The following DYM variants were observed in gnomAD, a reference collection of about 807,000 sequenced individuals.
DYM encodes dyggve-Melchior-Clausen syndrome protein.
A neutral mutation model predicts 93.1 loss-of-function variants in DYM; 78 were observed. That is an observed-to-expected ratio of 0.84 (90% CI 0.70 to 1.01). The LOEUF (loss-of-function observed/expected upper bound fraction) is 1.01, where lower values mean the gene tolerates loss of function less well. Ranked by LOEUF, DYM falls within the 50% of genes least tolerant of loss-of-function variation. DYM has a pLI of 0.00. For missense variants in DYM, 789 were observed against 845.0 expected (o/e 0.93, Z 0.82); for synonymous variants, 321 against 319.7 (o/e 1.00, Z -0.04).
intron 2 of DYM, among the ~76,000 whole-genome samples, chr18:49,405,464 G>A (rs534525732): frequency 1.3e-5 from 2 of 152,206 alleles, no homozygotes; most frequent in Middle Eastern, 3.4e-3. Flanking sequence ...TCTGCATATG[G>A]TCAGCTATTC....
At chr18:49,429,084 G>A (rs943902383) in intron 2 of DYM, among the ~76,000 whole-genome samples, 4 of 152,312 alleles carry the variant, frequency 2.6e-5, no homozygotes, top group South Asian at 2.1e-4. Flanking sequence ...GCTTCTAGAA[G>A]CTGCTCATAT....
intron 13 of DYM, among the ~76,000 whole-genome samples, chr18:49,216,110 G>A (rs2093027004): frequency 6.6e-6 from 1 of 152,236 alleles, no homozygotes; most frequent in South Asian, 2.1e-4. Context: ...TCCCGCACCT[G>A]GCTCGGAGGG....
chr18:49,446,932 G>A (rs1401065049), intron 1 of DYM, among the ~76,000 whole-genome samples: 2 of 151,942 alleles, frequency 1.3e-5, no homozygotes, highest in African/African-American at 4.8e-5. Context: ...GGTGGCAGGC[G>A]CCTGTAATCC....
intron 17 of DYM, among the ~76,000 whole-genome samples, chr18:49,078,667 C>T (rs1388970407): frequency 2.0e-5 from 3 of 152,022 alleles, no homozygotes; most frequent in African/African-American, 7.3e-5. Context: ...AGGTGCTTGC[C>T]ACCATGTCAT....
At chr18:49,209,305 A>T (rs906244059) in intron 14 of DYM, among the ~76,000 whole-genome samples, 2 of 152,222 alleles carry the variant, frequency 1.3e-5, no homozygotes, top group Non-Finnish European at 2.9e-5. Context: ...TAGTTCTGGC[A>T]AGTTTATATA....
rs376846984 is a variant in DYM, at chr18:49,262,549, T to C, written c.1252-4056A>G. ...ACTTTTTTCACTCAGCATGTTTCTG[T>C]AACCCTCCTATATTGATACATATAA... On this transcript the variant is annotated intron_variant, in intron 11 of 17. Coordinates refer to ENST00000675505, the MANE Select transcript of DYM (RefSeq NM_001353214.3). Among the ~76,000 whole-genome samples the C allele has an allele frequency of 1.9e-4, 29 of 152,340 alleles. No homozygotes were observed. The East Asian group carries it at 4.4e-3, about 23-fold the overall frequency.
intron 15 of DYM, among the ~76,000 whole-genome samples, chr18:49,143,420 G>C (rs1448200496): frequency 6.6e-6 from 1 of 152,114 alleles, no homozygotes; most frequent in Non-Finnish European, 1.5e-5. Context: ...TGTAGTGGTA[G>C]TAATTAAGGT....
intron 16 of DYM, among the ~76,000 whole-genome samples, chr18:49,099,599 T>C (rs968324502): frequency 6.6e-6 from 1 of 152,132 alleles, no homozygotes; most frequent in Non-Finnish European, 1.5e-5. Context: ...AAAGATAAAA[T>C]CAATTAGATT....
intron 1 of DYM, among the ~76,000 whole-genome samples, chr18:49,442,247 T>C (rs1422865964): frequency 2.0e-5 from 3 of 152,032 alleles, no homozygotes; most frequent in African/African-American, 7.2e-5. Flanking sequence ...CAGCATGAAA[T>C]ATAGAAACCA....
chr18:49,343,445 T>C (rs1355165979), intron 6 of DYM, among the ~76,000 whole-genome samples: 1 of 152,190 alleles, frequency 6.6e-6, no homozygotes, highest in Non-Finnish European at 1.5e-5. Context: ...TATTATAAGG[T>C]CCACTTCACA....
chr18:49,177,898 G>A (rs998477591), intron 14 of DYM, among the ~76,000 whole-genome samples: 1 of 152,058 alleles, frequency 6.6e-6, no homozygotes, highest in Non-Finnish European at 1.5e-5. Flanking sequence ...CTGACTGGTG[G>A]ATAAGATATT....
intron 13 of DYM, among the ~76,000 whole-genome samples, chr18:49,248,688 T>G (rs2094220543): frequency 6.6e-6 from 1 of 151,966 alleles, no homozygotes; most frequent in South Asian, 2.1e-4. Context: ...GGCATTCGTC[T>G]GCAATAAAAA....
At chr18:49,076,837 T>G (rs1444796736) in intron 17 of DYM, among the ~76,000 whole-genome samples, 1 of 152,220 alleles carries the variant, frequency 6.6e-6, no homozygotes, top group Non-Finnish European at 1.5e-5. Flanking sequence ...TTCTGGGCTG[T>G]GCGAGAAGGA....
At chr18:49,272,117 C>T (rs1352049120) in intron 11 of DYM, 61 bp downstream of exon 11, 13 of 1,496,780 alleles carry the variant, frequency 8.7e-6, no homozygotes, top group Admixed American at 1.7e-5. Context: ...ACTAGTAAAT[C>T]TTACGTAGGG....
intron 8 of DYM, among the ~76,000 whole-genome samples, chr18:49,316,264 A>C (rs752930436): frequency 6.6e-6 from 1 of 152,232 alleles, no homozygotes; most frequent in Non-Finnish European, 1.5e-5. Flanking sequence ...GCTGGGTGAC[A>C]GAGTGAGACG....
In DYM at chr18:49,211,557, G is replaced by C. The variant is rs570883835; in HGVS notation, c.1461-1842C>G. ...TGAACTCAAAACTAGTAAGTTAGAA[G>C]ATTTGAAATGGGCAAATTTCCACAA... On this transcript the variant is annotated intron_variant, in intron 13 of 17. Coordinates refer to ENST00000675505, the MANE Select transcript of DYM (RefSeq NM_001353214.3). 6.6e-5 allele frequency among the ~76,000 whole-genome samples: 10 copies of C among 152,270 alleles called. No individual in the cohort carries two copies. The South Asian group carries it at 2.1e-3, about 32-fold the overall frequency.
intron 15 of DYM, 149 bp downstream of exon 15, chr18:49,163,536 G>A (rs561271584): frequency 8.4e-5 from 48 of 571,362 alleles, no homozygotes; most frequent in South Asian, 7.9e-4. Flanking sequence ...AGTAGAGATG[G>A]GGTTTCACCA....
intron 17 of DYM, among the ~76,000 whole-genome samples, chr18:49,092,206 C>A (rs1031703977): frequency 6.6e-6 from 1 of 152,172 alleles, no homozygotes; most frequent in Admixed American, 6.5e-5. Flanking sequence ...CACATTAATA[C>A]AGCAGAGAGA....
intron 1 of DYM, among the ~76,000 whole-genome samples, chr18:49,437,630 T>C (rs998415762): frequency 2.0e-5 from 3 of 152,212 alleles, no homozygotes; most frequent in Admixed American, 6.5e-5. Context: ...ATCTGTAATT[T>C]TGATAGATAC....
Sources: gnomAD v4.1 joint callset for allele counts (sites outside exome capture counted in the v4.1 genomes callset) on GRCh38, gnomAD v4.1.1 for gene constraint, MANE v1.5 for transcripts, NCBI Gene and HGNC (gene_info 2026-07-23, HGNC 2026-07-21) for gene names.